Variants in ABHD2 observed in about 807,000 individuals in gnomAD.
ABHD2 encodes abhydrolase domain containing 2, acylglycerol lipase, also known as monoacylglycerol lipase ABHD2.
In ABHD2, 20 loss-of-function variants were observed where a neutral mutation model predicts 48.1. That is an observed-to-expected ratio of 0.42 (90% confidence interval 0.29 to 0.60). ABHD2 has a LOEUF of 0.60. ABHD2 is among the 20% of genes least tolerant of loss of function. The pLI is 0.24. For synonymous variants in ABHD2, 209 were observed against 214.2 expected, an observed-to-expected ratio of 0.98 and a Z score of 0.21; for missense variants, 405 against 550.9, an observed-to-expected ratio of 0.74 and a Z score of 2.65.
In ABHD2 at chr15:89,175,882, C is replaced by T. The variant is rs142298746; in HGVS notation, c.609C>T (p.Val203=). The change falls in exon 6 of 11, where the codon GTC becomes GTT. Residue 203 remains valine, a synonymous_variant. Coordinates refer to ENST00000352732, the MANE Select transcript of ABHD2 (RefSeq NM_152924.5). This position sits in a 1 kb window ranked among gnomAD's most constrained non-coding sequence, Gnocchi z 5.7. ...KKTYPLTQLV[V]VGFSLGGNIV... is the part of the protein sequence containing the mutation. ...CATATCCCCTGACCCAGCTGGTCGT[C>T]GTGGGCTTCAGCCTGGGTGGTAACA... The T allele has an allele frequency of 5.1e-5, 83 of 1,613,950 alleles. 1 individual carries two copies. Among genetic ancestry groups the T allele is most frequent in the Middle Eastern group, 3.3e-4 (2 of 6,084 alleles).
rs1452084633 is a variant in ABHD2 at position 89,175,159 on chromosome 15, G to C, written c.539-653G>C. Among the ~76,000 whole-genome samples, 1 of 152,182 alleles carries C rather than the reference G, an allele frequency of 6.6e-6. No individual in the cohort carries two copies. The highest frequency in any genetic ancestry group is 1.5e-5 in the Non-Finnish European group (1 of 68,034). ...ATGAATCATCATACACATGGGTATA[G>C]CATCCCAATTTGTAGCCTAGGAAGC... On this transcript the variant is annotated intron_variant, in intron 5 of 10. Coordinates refer to ENST00000352732, the MANE Select transcript of ABHD2 (RefSeq NM_152924.5). The surrounding 1 kb of genome is among the most constrained non-coding windows in gnomAD (Gnocchi z 5.7).
At chr15:89,141,834 T>C (rs969248474) in intron 3 of ABHD2, among the ~76,000 whole-genome samples, 3 of 152,232 alleles carry the variant, frequency 2.0e-5, no homozygotes, top group African/African-American at 7.2e-5. Flanking sequence ...ACCAGGGTTC[T>C]CCGTGTTGCT....
At chr15:89,135,873 C>T (rs1451280435) in intron 3 of ABHD2, 1 of 684,674 alleles carries the variant, frequency 1.5e-6, no homozygotes, top group Non-Finnish European at 2.7e-6. Flanking sequence ...CAGGACAGAA[C>T]AGAACAGGAA....
At chr15:89,103,906 C>T (rs757482983) in intron 1 of ABHD2, 8 of 152,218 alleles carry the variant, frequency 5.3e-5, no homozygotes, top group Non-Finnish European at 1.2e-4. Flanking sequence ...ATTTCAGGCA[C>T]AGATGAATCC....
chr15:89,193,133 C>A, intron 9 of ABHD2, 102 bp from the exon 10 acceptor site: 1 of 1,136,766 alleles, frequency 8.8e-7, no homozygotes. Context: ...ACCCTCTTCC[C>A]TTTGCTTCAA....
chr15:89,127,706 C>CATACATATATAT (rs58331064), intron 3 of ABHD2, among the ~76,000 whole-genome samples: 13 of 129,896 alleles, frequency 1.0e-4, no homozygotes, highest in African/African-American at 4.7e-4. Context: ...TATATATATA[C>CATACATATATAT]ATATATATAT....
In ABHD2 at chr15:89,133,389, A is replaced by G. The variant is rs780366411; in HGVS notation, c.194+16868A>G. ...CATCACGATGCGCACCTGTCAGTATAGGATAAACTCCTAGAGGTGGAACTA... is the reference window on the plus strand; with the variant it reads ...CATCACGATGCGCACCTGTCAGTATGGGATAAACTCCTAGAGGTGGAACTA... On this transcript the variant is annotated intron_variant, in intron 3 of 10. Transcript: ENST00000352732. Among the ~76,000 whole-genome samples, 125 of 152,198 alleles carry G rather than the reference A, an allele frequency of 8.2e-4. 4 individuals carry two copies. The highest frequency in any genetic ancestry group is 3.1e-4 in the Non-Finnish European group (21 of 68,042).
At chr15:89,140,034 G>A (rs888597352) in intron 3 of ABHD2, among the ~76,000 whole-genome samples, 19 of 152,186 alleles carry the variant, frequency 1.2e-4, no homozygotes, top group African/African-American at 4.1e-4. Flanking sequence ...TAACACCTCT[G>A]CGTTTTGCCT....
At chr15:89,150,586 C>T (rs567808457) in intron 3 of ABHD2, among the ~76,000 whole-genome samples, 2 of 152,308 alleles carry the variant, frequency 1.3e-5, no homozygotes, top group East Asian at 1.9e-4. Flanking sequence ...AAGGTGATAG[C>T]TTCACTTCTC....
the ABHD2 span, among the ~76,000 whole-genome samples, chr15:89,044,874 A>T: frequency 2.0e-5 from 3 of 151,636 alleles, no homozygotes; most frequent in Non-Finnish European, 4.4e-5. Flanking sequence ...CTCTGATGGT[A>T]GTTTCTTTTG....
chr15:89,171,097 C>T (rs1210856940), intron 5 of ABHD2, among the ~76,000 whole-genome samples: 3 of 151,618 alleles, frequency 2.0e-5, no homozygotes, highest in Non-Finnish European at 2.9e-5. Flanking sequence ...GCCTGGGCAA[C>T]GAGCAAAACT....
At chr15:89,160,052 C>G (rs940668371) in intron 5 of ABHD2, among the ~76,000 whole-genome samples, 1 of 152,140 alleles carries the variant, frequency 6.6e-6, no homozygotes, top group Non-Finnish European at 1.5e-5. Context: ...AAACATCTTT[C>G]GTAGCTTCAA....
At position 89,120,216 on chromosome 15, in the gene ABHD2, T is replaced by C. The variant is rs973735986; in HGVS notation, c.194+3695T>C. The stretch of plus-strand genomic sequence containing the variant: ...AAAGATACATTATAAATTAATCTTT[T>C]AATGTCTGGAGGAAAACTTTGCTTC... On this transcript the variant is annotated intron_variant, in intron 3 of 10. Coordinates refer to ENST00000352732, the MANE Select transcript of ABHD2 (RefSeq NM_152924.5). This position sits in a 1 kb window ranked among gnomAD's most constrained non-coding sequence, Gnocchi z 4.2. Among the ~76,000 whole-genome samples the C allele has an allele frequency of 7.2e-5, 11 of 152,240 alleles. No individual in the cohort carries two copies. Among genetic ancestry groups the C allele is most frequent in the Non-Finnish European group, 1.0e-4 (7 of 68,048 alleles).
Position 89,201,626 on chromosome 15 carries a change from G to A in ABHD2, c.*6203G>A. On this transcript the variant is annotated 3_prime_UTR_variant, in exon 11 of 11. Transcript: ENST00000352732. ...TAATTCCACTGTTGGGCCTCACACAGTACCGGTGAGGCACGGTAGTCTTCA... is the reference window on the plus strand; with the variant it reads ...TAATTCCACTGTTGGGCCTCACACAATACCGGTGAGGCACGGTAGTCTTCA... The A allele has an allele frequency of 6.3e-7, 1 of 1,590,858 alleles. No homozygotes were observed. Among genetic ancestry groups the A allele is most frequent in the Non-Finnish European group, 8.6e-7 (1 of 1,158,834 alleles).
At position 89,179,286 on chromosome 15, in the gene ABHD2, C is replaced by T. The variant is rs1483216548; in HGVS notation, c.722+3291C>T. 3.3e-5 allele frequency among the ~76,000 whole-genome samples: 5 copies of T among 152,152 alleles called. No individual in the cohort carries two copies. The highest frequency in any genetic ancestry group is 1.2e-4 in the African/African-American group (5 of 41,434). On this transcript the variant is annotated intron_variant, in intron 6 of 10. Coordinates refer to ENST00000352732, the MANE Select transcript of ABHD2 (RefSeq NM_152924.5). This position sits in a 1 kb window ranked among gnomAD's most constrained non-coding sequence, Gnocchi z 4.3. ...AGCAGGAGGTGAGCGGTGGGCAGGT[C>T]ACAGTGGGCAAAGCAGTAGGGAAGC...
rs144188393 is a variant in ABHD2 at position 89,140,707 on chromosome 15, G to A, written c.195-10970G>A. On this transcript the variant is annotated intron_variant, in intron 3 of 10. Transcript: ENST00000352732. ...GATCTGGGAGCCTCACGTCACCTCT[G>A]CTGGTACCAGGGCCTGTGTGTCTCT... Among the ~76,000 whole-genome samples, 119 of 152,230 alleles carry A rather than the reference G, an allele frequency of 7.8e-4. 2 individuals are homozygous for A. In the East Asian group the frequency reaches 0.022, roughly 29 times the overall value.
Position 89,092,299 on chromosome 15 carries a change from C to T in ABHD2, c.-107+3736C>T, listed in dbSNP as rs1901627968. On this transcript the variant is annotated intron_variant, in intron 1 of 10. Coordinates refer to ENST00000352732, the MANE Select transcript of ABHD2 (RefSeq NM_152924.5). This position sits in a 1 kb window ranked among gnomAD's most constrained non-coding sequence, Gnocchi z 4.4. ...TTTTTAGAGAAGTGGAACGTTGGTACCCTTGGATTTGCCTGGTTTCTGATT... is the reference window on the plus strand; with the variant it reads ...TTTTTAGAGAAGTGGAACGTTGGTATCCTTGGATTTGCCTGGTTTCTGATT... Among the ~76,000 whole-genome samples, 1 of 152,100 alleles carries T rather than the reference C, an allele frequency of 6.6e-6. No homozygotes were observed. The highest frequency in any genetic ancestry group is 2.4e-5 in the African/African-American group (1 of 41,412).
the ABHD2 span, among the ~76,000 whole-genome samples, chr15:89,060,083 C>CTT: frequency 0.013 from 1,014 of 77,570 alleles, 21 homozygotes; most frequent in African/African-American, 0.032. Flanking sequence ...ACTCCAAGGC[C>CTT]TTTTTTTTTT....
At chr15:89,087,362 C>T (rs926104005), upstream of ABHD2, 1 of 152,374 alleles carries the variant, frequency 6.6e-6, no homozygotes, top group Non-Finnish European at 1.5e-5. The surrounding 1 kb of genome is among the most constrained non-coding windows in gnomAD (Gnocchi z 5.5). Flanking sequence ...CTCTCCGAGC[C>T]CTATGGGGCC....
Sources: allele counts gnomAD v4.1 joint callset (sites outside exome capture counted in the v4.1 genomes callset), GRCh38; gene constraint gnomAD v4.1.1; non-coding constraint Gnocchi (gnomAD v3.1); transcripts MANE v1.5; gene names NCBI Gene and HGNC (gene_info 2026-07-23, HGNC 2026-07-21).